NTM: variants seen among roughly 807,000 people sequenced by gnomAD.
NTM encodes neurotrimin, also known as IgLON family member 2.
A neutral mutation model predicts 42.1 loss-of-function variants in NTM; 13 were observed. That is an observed-to-expected ratio of 0.31 (90% CI 0.20 to 0.49). NTM has a LOEUF of 0.49. Ranked by LOEUF, NTM falls within the 20% of genes least tolerant of loss-of-function variation. NTM has a pLI of 0.99. For synonymous variants in NTM, 187 were observed against 179.2 expected (o/e 1.04, Z -0.35); for missense variants, 373 against 452.8 (o/e 0.82, Z 1.60).
intron 2 of NTM, among the ~76,000 whole-genome samples, chr11:131,975,323 G>A (rs1017725242): frequency 1.3e-5 from 2 of 152,046 alleles, no homozygotes; most frequent in African/African-American, 4.8e-5. Context: ...AGGACTACAG[G>A]TGCACGCCAC....
intron 1 of NTM, among the ~76,000 whole-genome samples, chr11:131,802,752 C>T (rs1046204815): frequency 6.6e-6 from 1 of 152,206 alleles, no homozygotes; most frequent in Non-Finnish European, 1.5e-5. Context: ...GTATGGCTAA[C>T]AAATAGTCAG....
chr11:132,183,401 T>C (rs1409464637), intron 3 of NTM, among the ~76,000 whole-genome samples: 3 of 152,254 alleles, frequency 2.0e-5, no homozygotes, highest in South Asian at 4.1e-4. Flanking sequence ...CCAGGCACCA[T>C]GGAGAAACTT....
At chr11:132,149,951 A>T (rs888069982) in intron 3 of NTM, among the ~76,000 whole-genome samples, 18 of 152,320 alleles carry the variant, frequency 1.2e-4, no homozygotes, top group African/African-American at 4.3e-4. Flanking sequence ...TAGTCATGCA[A>T]GACTACTGTT....
At chr11:131,622,344 C>G (rs2062661933) in intron 1 of NTM, among the ~76,000 whole-genome samples, 1 of 152,148 alleles carries the variant, frequency 6.6e-6, no homozygotes, top group African/African-American at 2.4e-5. Context: ...CATAAGTAAA[C>G]AAGCATGAAA....
chr11:132,134,059 G>A (rs1256690007), intron 2 of NTM, among the ~76,000 whole-genome samples: 1 of 152,036 alleles, frequency 6.6e-6, no homozygotes, highest in Non-Finnish European at 1.5e-5. Context: ...CTGTAGCTGG[G>A]ACTATAGGCA....
chr11:131,669,361 G>A lies in NTM; in HGVS notation c.83-242203G>A, dbSNP rs548475884. On this transcript the variant is annotated intron_variant, in intron 1 of 8. Transcript: ENST00000683400. ...GAAAAGTCCCGTAGCCTGGTTTCCT[G>A]CTCTGAGAACTGGTGGCTACCAGAA... Among the ~76,000 whole-genome samples the A allele has an allele frequency of 7.9e-5, 12 of 152,348 alleles. No homozygotes were observed. In the South Asian group the frequency reaches 1.9e-3, roughly 24 times the overall value.
intron 1 of NTM, among the ~76,000 whole-genome samples, chr11:131,494,750 C>T (rs1183928203): frequency 6.6e-6 from 1 of 152,210 alleles, no homozygotes; most frequent in Non-Finnish European, 1.5e-5. Flanking sequence ...CCAACTTGAC[C>T]TGAGTCTATG....
chr11:132,315,027 A>G, intron 7 of NTM: 1 of 1,105,550 alleles, frequency 9.0e-7, no homozygotes, highest in Non-Finnish European at 1.1e-6. Context: ...TCTATAATGG[A>G]AAAGATCCCG....
At chr11:132,084,835 A>G (rs1315181342) in intron 2 of NTM, among the ~76,000 whole-genome samples, 1 of 151,974 alleles carries the variant, frequency 6.6e-6, no homozygotes, top group Non-Finnish European at 1.5e-5. Flanking sequence ...GAGAAAGCCA[A>G]ATTTTACCCT....
At chr11:131,941,141 T>A (rs2059750808) in intron 2 of NTM, among the ~76,000 whole-genome samples, 1 of 152,220 alleles carries the variant, frequency 6.6e-6, no homozygotes, top group Non-Finnish European at 1.5e-5. Flanking sequence ...TACATAATTT[T>A]AAAAATGGGC....
chr11:131,804,117 A>T (rs1245327025), intron 1 of NTM, among the ~76,000 whole-genome samples: 1 of 152,060 alleles, frequency 6.6e-6, no homozygotes, highest in African/African-American at 2.4e-5. Flanking sequence ...CATCTCCACC[A>T]CCTGCATCCT....
At chr11:131,563,533 C>A (rs532500819) in intron 1 of NTM, among the ~76,000 whole-genome samples, 4 of 148,942 alleles carry the variant, frequency 2.7e-5, no homozygotes, top group Non-Finnish European at 5.9e-5. Context: ...CAGGGCCAGA[C>A]CTTAGCTGAA....
chr11:132,016,368 G>A (rs2073414207), intron 2 of NTM, among the ~76,000 whole-genome samples: 2 of 151,862 alleles, frequency 1.3e-5, no homozygotes, highest in South Asian at 4.2e-4. Flanking sequence ...CCAGCCTTAG[G>A]CAACCACTGA....
chr11:131,574,725 G>T (rs1171223878), intron 1 of NTM, among the ~76,000 whole-genome samples: 1 of 152,110 alleles, frequency 6.6e-6, no homozygotes, highest in Admixed American at 6.6e-5. Flanking sequence ...AAGAGGTGTG[G>T]CCTACACCTT....
chr11:131,911,172 C>T, intron 1 of NTM: 1 of 1,331,344 alleles, frequency 7.5e-7, no homozygotes, highest in Non-Finnish European at 9.7e-7. Context: ...GACGCGCCCA[C>T]ACCTTTCACC....
At chr11:131,742,856 G>A (rs191456415) in intron 1 of NTM, among the ~76,000 whole-genome samples, 1 of 152,288 alleles carries the variant, frequency 6.6e-6, no homozygotes, top group Admixed American at 6.5e-5. Flanking sequence ...GAACAACAAT[G>A]CAGCAAGTGT....
intron 1 of NTM, among the ~76,000 whole-genome samples, chr11:131,661,821 C>G (rs1269885964): frequency 6.6e-6 from 1 of 152,042 alleles, no homozygotes; most frequent in Non-Finnish European, 1.5e-5. Flanking sequence ...TGGCTCTGTC[C>G]CACACGTATT....
chr11:131,484,671 A>G (rs1241318214), intron 1 of NTM, among the ~76,000 whole-genome samples: 1 of 152,108 alleles, frequency 6.6e-6, no homozygotes, highest in Non-Finnish European at 1.5e-5. Context: ...GAGCAATGAG[A>G]GTCAGCCCAG....
At chr11:131,691,422 A>G (rs1029453538) in intron 1 of NTM, among the ~76,000 whole-genome samples, 3 of 152,086 alleles carry the variant, frequency 2.0e-5, no homozygotes, top group Admixed American at 1.3e-4. Flanking sequence ...CGTCACGAGG[A>G]GCTCCGGGTC....
Sources: gnomAD v4.1 joint callset for allele counts (sites outside exome capture counted in the v4.1 genomes callset) on GRCh38, gnomAD v4.1.1 for gene constraint, MANE v1.5 for transcripts, NCBI Gene and HGNC (gene_info 2026-07-23, HGNC 2026-07-21) for gene names.